SERGEF: variants seen among roughly 807,000 people sequenced by gnomAD.
SERGEF encodes the protein secretion regulating guanine nucleotide exchange factor, also known as secretion-regulating guanine nucleotide exchange factor.
In SERGEF, 51 loss-of-function variants were observed where a neutral mutation model predicts 50.0. That is an observed-to-expected ratio of 1.02 (90% CI 0.81 to 1.29). SERGEF has a LOEUF of 1.29. SERGEF is among the 50% of genes most tolerant of loss of function. The pLI, the probability that SERGEF is intolerant of heterozygous loss-of-function variation, is 0.00. For missense variants in SERGEF, 521 were observed against 557.0 expected, an observed-to-expected ratio of 0.94 and a Z score of 0.65; for synonymous variants, 205 against 212.4, an observed-to-expected ratio of 0.97 and a Z score of 0.30.
intron 9 of SERGEF, among the ~76,000 whole-genome samples, chr11:17,932,773 A>C (rs986452264): frequency 2.6e-4 from 39 of 152,240 alleles, no homozygotes; most frequent in Admixed American, 5.2e-4. Flanking sequence ...TGCGGAACAA[A>C]TGGAGAGGCA....
intron 9 of SERGEF, among the ~76,000 whole-genome samples, chr11:17,911,442 T>C (rs904741739): frequency 4.0e-5 from 6 of 150,120 alleles, no homozygotes; most frequent in Non-Finnish European, 7.4e-5. Context: ...TTTGATAAGT[T>C]TTGACATATG....
At chr11:17,847,255 G>A (rs2133868357) in intron 10 of SERGEF, among the ~76,000 whole-genome samples, 1 of 152,342 alleles carries the variant, frequency 6.6e-6, no homozygotes, top group Non-Finnish European at 1.5e-5. Context: ...GTGCATTGCT[G>A]CCCAAGGATG....
In SERGEF at chr11:17,959,618, G is replaced by A. The variant is rs1454457333; in HGVS notation, c.863C>T (p.Thr288Ile). The A allele has an allele frequency of 3.7e-6, 6 of 1,612,056 alleles. No homozygotes were observed. In the African/African-American group the frequency reaches 4.0e-5, roughly 11 times the overall value. The change falls in exon 9 of 11, where the codon ACC becomes ATC. Residue 288 changes from threonine (T) to isoleucine (I), a missense_variant. Thr to Ile is a moderately conservative substitution (Grantham distance 89). Coordinates refer to ENST00000265965, the MANE Select transcript of SERGEF (RefSeq NM_012139.4). ...VAQTETGKMF[T>I]WGRADYGQLG... ...CTGACCATAGTCTGCTCGGCCCCAGGTAAACATCTTGCCAGTTTCTAAAAA... is the reference window on the plus strand; with the variant it reads ...CTGACCATAGTCTGCTCGGCCCCAGATAAACATCTTGCCAGTTTCTAAAAA...
chr11:17,842,893 A>T (rs1346904525), intron 10 of SERGEF, among the ~76,000 whole-genome samples: 1 of 152,192 alleles, frequency 6.6e-6, no homozygotes, highest in African/African-American at 2.4e-5. Context: ...TCCAACACAG[A>T]GTGTGTGAAG....
chr11:17,920,033 G>A (rs969808684), intron 9 of SERGEF, among the ~76,000 whole-genome samples: 1 of 151,576 alleles, frequency 6.6e-6, no homozygotes, highest in African/African-American at 2.4e-5. Context: ...GGATCAAAAG[G>A]TCAGGGAATC....
In SERGEF at chr11:17,991,647, C is replaced by T. The variant is rs1332927285; in HGVS notation, c.685+1284G>A. Among the ~76,000 whole-genome samples the T allele has an allele frequency of 6.6e-6, 1 of 152,170 alleles. No individual in the cohort carries two copies. The highest frequency in any genetic ancestry group is 2.4e-5 in the African/African-American group (1 of 41,434). The stretch of plus-strand genomic sequence containing the variant: ...ATATAAATCTACCTAATGTGAGACA[C>T]AAGTTAAAAGTAGGTGCTTTTTTAT... On this transcript the variant is annotated intron_variant, in intron 7 of 10. Coordinates refer to ENST00000265965, the MANE Select transcript of SERGEF (RefSeq NM_012139.4). The surrounding 1 kb of genome is among the most constrained non-coding windows in gnomAD (Gnocchi z 4.9).
intron 10 of SERGEF, among the ~76,000 whole-genome samples, chr11:17,831,649 A>C (rs1298363152): frequency 1.3e-5 from 2 of 152,230 alleles, no homozygotes; most frequent in Non-Finnish European, 1.5e-5. Context: ...TCATTTGGGG[A>C]AATACTGGAA....
chr11:17,880,423 A>C (rs1315701150), intron 9 of SERGEF, among the ~76,000 whole-genome samples: 2 of 152,216 alleles, frequency 1.3e-5, no homozygotes, highest in Non-Finnish European at 2.9e-5. Context: ...ATTATGGTAG[A>C]GCCATCTGAT....
At chr11:17,998,430 TACATACATAC>T (rs1263461262) in intron 5 of SERGEF, among the ~76,000 whole-genome samples, 14 of 10,502 alleles carry the variant, frequency 1.3e-3, no homozygotes, top group African/African-American at 4.6e-3. Flanking sequence ...AATACATACA[TACATACATAC>T]ATATATATAT....
At chr11:17,966,315 G>T (rs1003432512) in intron 8 of SERGEF, among the ~76,000 whole-genome samples, 2 of 152,160 alleles carry the variant, frequency 1.3e-5, no homozygotes, top group Admixed American at 6.5e-5. Flanking sequence ...AAGAGAGGAA[G>T]CTTCAACTCA....
At chr11:17,897,919 CTAATGTTGG>C (rs980733537) in intron 9 of SERGEF, among the ~76,000 whole-genome samples, 6 of 152,152 alleles carry the variant, frequency 3.9e-5, no homozygotes, top group African/African-American at 1.4e-4. Flanking sequence ...CCATTAACCC[CTAATGTTGG>C]TAAACGGTCT....
chr11:17,940,897 G>C (rs1248131223), intron 9 of SERGEF, among the ~76,000 whole-genome samples: 1 of 152,160 alleles, frequency 6.6e-6, no homozygotes, highest in Non-Finnish European at 1.5e-5. Flanking sequence ...GTGGCCAAAA[G>C]CATTACAAAT....
At chr11:17,885,327 GT>G (rs2133904887) in intron 9 of SERGEF, among the ~76,000 whole-genome samples, 1 of 152,228 alleles carries the variant, frequency 6.6e-6, no homozygotes, top group East Asian at 1.9e-4. Context: ...GATCTGATCT[GT>G]TTTTGTTTTT....
At chr11:17,894,531 T>C (rs1369211674) in intron 9 of SERGEF, among the ~76,000 whole-genome samples, 1 of 152,218 alleles carries the variant, frequency 6.6e-6, no homozygotes, top group Non-Finnish European at 1.5e-5. Context: ...TTTTCAAATC[T>C]GTCTCTTCCC....
intron 9 of SERGEF, among the ~76,000 whole-genome samples, chr11:17,896,110 AG>A (rs1851616635): frequency 6.6e-6 from 1 of 152,322 alleles, no homozygotes; most frequent in Admixed American, 6.5e-5. Context: ...TTATTGAAAA[AG>A]GGGCTATGAA....
At chr11:17,802,657 C>T (rs756330143) in intron 10 of SERGEF, among the ~76,000 whole-genome samples, 3 of 152,164 alleles carry the variant, frequency 2.0e-5, no homozygotes, top group Non-Finnish European at 4.4e-5. Context: ...GCTCTTCCTC[C>T]AACTGGCCAG....
Position 18,012,573 on chromosome 11 carries a change from G to A in SERGEF, c.60+378C>T. 2.6e-6 allele frequency: 3 copies of A among 1,172,508 alleles called. No individual in the cohort carries two copies. The African/African-American group carries it at 5.0e-5, about 20-fold the overall frequency. The allele number at this position is 1,172,508 out of a possible 1,614,324, so 72.6% of individuals were successfully genotyped here. On this transcript the variant is annotated intron_variant, in intron 1 of 10. Transcript: ENST00000265965. The stretch of plus-strand genomic sequence containing the variant: ...AGGCATCAGGAGTGTGGGGGGCACA[G>A]GTGGCCCCACGGAGCTCTGGGACCG...
intron 9 of SERGEF, among the ~76,000 whole-genome samples, chr11:17,907,773 G>A (rs555252537): frequency 4.6e-5 from 7 of 152,230 alleles, no homozygotes; most frequent in Non-Finnish European, 4.4e-5. Context: ...AAAGGAGAAG[G>A]ATCTCAGAGG....
chr11:17,995,104 A>AAG (rs773572523), intron 6 of SERGEF, among the ~76,000 whole-genome samples: 41 of 152,228 alleles, frequency 2.7e-4, no homozygotes, highest in South Asian at 6.2e-4. Context: ...GAGAGAAAGA[A>AAG]AGAGAGAGAG....
Sources: gnomAD v4.1 joint callset for allele counts (sites outside exome capture counted in the v4.1 genomes callset) on GRCh38, gnomAD v4.1.1 for gene constraint, Gnocchi (gnomAD v3.1) non-coding constraint, MANE v1.5 for transcripts, NCBI Gene and HGNC (gene_info 2026-07-23, HGNC 2026-07-21) for gene names.